KLF17: variants seen among roughly 807,000 people sequenced by gnomAD.
The protein encoded by KLF17 is KLF transcription factor 17, also known as Krueppel-like factor 17.
Under a neutral mutation model 34.2 loss-of-function variants are expected in KLF17, and 31 were observed. The observed-to-expected ratio is 0.91, with a 90% CI of 0.68 to 1.22. The LOEUF is 1.22. Ranked by LOEUF, KLF17 falls within the 50% of genes most tolerant of loss-of-function variation. KLF17 has a pLI of 0.00. For missense variants in KLF17, 478 were observed against 505.2 expected, an observed-to-expected ratio of 0.95 and a Z score of 0.52; for synonymous variants, 179 against 186.7, an observed-to-expected ratio of 0.96 and a Z score of 0.34.
At chr1:44,070,590 C>CTTTTT in the KLF17 span, among the ~76,000 whole-genome samples, 28 of 78,680 alleles carry the variant, frequency 3.6e-4, 1 homozygote, top group African/African-American at 1.2e-3. Context: ...TTTCCCTTGT[C>CTTTTT]TTTTTTTTTT....
At chr1:44,095,143 C>T in the KLF17 span, among the ~76,000 whole-genome samples, 7 of 151,426 alleles carry the variant, frequency 4.6e-5, no homozygotes, top group East Asian at 3.9e-4. Flanking sequence ...CCTCATGATC[C>T]GCCCGCCTCG....
the KLF17 span, among the ~76,000 whole-genome samples, chr1:44,085,128 G>GTA: frequency 3.3e-5 from 5 of 151,646 alleles, no homozygotes; most frequent in Non-Finnish European, 7.4e-5. Flanking sequence ...ATATGTGTGT[G>GTA]TATATATATG....
chr1:44,118,023 G>A (rs1051821762), upstream of KLF17, among the ~76,000 whole-genome samples: 5 of 152,086 alleles, frequency 3.3e-5, no homozygotes, highest in Admixed American at 2.6e-4. Context: ...TATCACCGTG[G>A]TCACCTTGCC....
chr1:44,123,160 G>A (rs1017943187), intron 1 of KLF17, among the ~76,000 whole-genome samples: 7 of 152,156 alleles, frequency 4.6e-5, no homozygotes, highest in African/African-American at 7.2e-5. Flanking sequence ...ATGATTGATC[G>A]CACCATTCAC....
intron 1 of KLF17, among the ~76,000 whole-genome samples, chr1:44,128,695 C>A (rs572660141): frequency 6.6e-6 from 1 of 152,126 alleles, no homozygotes; most frequent in Non-Finnish European, 1.5e-5. Context: ...TTGGGATGTT[C>A]TTTCACTTTC....
At chr1:44,122,315 C>T (rs941787793) in intron 1 of KLF17, 1 of 1,597,176 alleles carries the variant, frequency 6.3e-7, no homozygotes, top group Non-Finnish European at 8.6e-7. Flanking sequence ...GAATAAAATA[C>T]CGAATGTTAT....
chr1:44,055,220 C>T, the KLF17 span, among the ~76,000 whole-genome samples: 87 of 152,280 alleles, frequency 5.7e-4, no homozygotes, highest in African/African-American at 2.0e-3. Context: ...TCCTACTGGA[C>T]ACCTTACCAT....
chr1:44,091,688 C>G, the KLF17 span, among the ~76,000 whole-genome samples: 11 of 148,444 alleles, frequency 7.4e-5, no homozygotes, highest in African/African-American at 2.5e-4. Context: ...AAGCTCCATA[C>G]TTGTTAAGAG....
chr1:44,109,960 T>G, the KLF17 span, among the ~76,000 whole-genome samples: 2 of 141,942 alleles, frequency 1.4e-5, no homozygotes, highest in Non-Finnish European at 3.0e-5. Context: ...CAGGCTGGAG[T>G]GCAATGGCAC....
intron 1 of KLF17, among the ~76,000 whole-genome samples, chr1:44,119,259 G>T (rs2087918350): frequency 6.6e-6 from 1 of 152,016 alleles, no homozygotes; most frequent in Non-Finnish European, 1.5e-5. Context: ...TAAATCATAC[G>T]TCGTTTATTC....
intron 1 of KLF17, among the ~76,000 whole-genome samples, chr1:44,121,381 G>A (rs112365087): frequency 6.6e-6 from 1 of 152,128 alleles, no homozygotes; most frequent in African/African-American, 2.4e-5. Flanking sequence ...TCCCAAAGAG[G>A]TGGGATTACA....
At chr1:44,122,511 A>G (rs1386682712) in intron 1 of KLF17, 1 of 932,630 alleles carries the variant, frequency 1.1e-6, no homozygotes, top group African/African-American at 1.6e-5. Flanking sequence ...CACGAGCTTC[A>G]TCCTAGCGGT....
the KLF17 span, chr1:44,105,640 G>A: frequency 1.3e-5 from 2 of 152,084 alleles, no homozygotes; most frequent in Non-Finnish European, 2.9e-5. Context: ...TCCACACAAT[G>A]CATTGATTTA....
the KLF17 span, among the ~76,000 whole-genome samples, chr1:44,072,168 GTT>G: frequency 1.4e-4 from 21 of 147,092 alleles, no homozygotes; most frequent in African/African-American, 4.5e-4. Flanking sequence ...AGGAACCCAG[GTT>G]TTTTTTTTTG....
chr1:44,046,710 G>A, the KLF17 span, among the ~76,000 whole-genome samples: 4,363 of 152,244 alleles, frequency 0.029, 221 homozygotes, highest in African/African-American at 0.1. Context: ...TCTGATCTGA[G>A]GCAGTCTGGC....
chr1:44,111,000 T>C, the KLF17 span, among the ~76,000 whole-genome samples: 1 of 152,082 alleles, frequency 6.6e-6, no homozygotes, highest in South Asian at 2.1e-4. Flanking sequence ...GTTTTCCTTT[T>C]TTTTGAGACA....
At chr1:44,110,812 T>C in the KLF17 span, among the ~76,000 whole-genome samples, 2 of 152,108 alleles carry the variant, frequency 1.3e-5, no homozygotes, top group East Asian at 1.9e-4. Flanking sequence ...CTACTACTTA[T>C]ATAAAAAAAT....
the KLF17 span, chr1:44,104,481 G>A: frequency 1.3e-6 from 1 of 779,112 alleles, no homozygotes; most frequent in Non-Finnish European, 2.3e-6. Context: ...CTTGTTGGTG[G>A]GGTTCTTGAT....
the KLF17 span, among the ~76,000 whole-genome samples, chr1:44,073,209 C>CTTCTT: frequency 7.3e-6 from 1 of 137,784 alleles, no homozygotes; most frequent in Admixed American, 7.3e-5. Context: ...TCTTCTTCTT[C>CTTCTT]TTTTTTTTTT....
Sources: allele counts gnomAD v4.1 joint callset (sites outside exome capture counted in the v4.1 genomes callset), GRCh38; gene constraint gnomAD v4.1.1; transcripts MANE v1.5; gene names NCBI Gene and HGNC (gene_info 2026-07-23, HGNC 2026-07-21).